The following GPR37 variants were observed in gnomAD, a reference collection of about 807,000 sequenced individuals.
GPR37 encodes the protein prosaposin receptor GPR37.
Under a neutral mutation model 43.6 loss-of-function variants are expected in GPR37, and 20 were observed. That is an observed-to-expected ratio of 0.46 (90% CI 0.32 to 0.67). The LOEUF is 0.67. Among genes scored for constraint, GPR37 ranks in the 30% least tolerant of loss-of-function variants. The pLI is 0.03. For synonymous variants in GPR37, 315 were observed against 322.6 expected (o/e 0.98, Z 0.25); for missense variants, 724 against 797.2 (o/e 0.91, Z 1.11).
At chr7:124,753,519 G>A (rs566346788) in intron 1 of GPR37, among the ~76,000 whole-genome samples, 2 of 151,896 alleles carry the variant, frequency 1.3e-5, no homozygotes, top group South Asian at 4.1e-4. Flanking sequence ...ATGCTGATAT[G>A]ATACACTATG....
At chr7:124,748,650 A>C (rs918834305) in intron 1 of GPR37, among the ~76,000 whole-genome samples, 1 of 152,180 alleles carries the variant, frequency 6.6e-6, no homozygotes, top group Non-Finnish European at 1.5e-5. Context: ...AATACAAGAA[A>C]ATATGCAGAA....
intron 1 of GPR37, among the ~76,000 whole-genome samples, chr7:124,751,916 C>A (rs114485023): frequency 6.6e-6 from 1 of 151,990 alleles, no homozygotes; most frequent in African/African-American, 2.4e-5. Context: ...AGAGACAAGA[C>A]TATTAATTTT....
chr7:124,762,768 G>A (rs781297618), intron 1 of GPR37, among the ~76,000 whole-genome samples: 5 of 152,194 alleles, frequency 3.3e-5, no homozygotes, highest in Admixed American at 6.5e-5. Flanking sequence ...GCTTTGGTCC[G>A]TCTAAGTAGG....
At chr7:124,749,938 T>C (rs1391214658) in intron 1 of GPR37, among the ~76,000 whole-genome samples, 1 of 152,150 alleles carries the variant, frequency 6.6e-6, no homozygotes, top group African/African-American at 2.4e-5. Flanking sequence ...TCCACTTTCA[T>C]CTTTTAATAA....
At chr7:124,751,675 G>A (rs1347944771) in intron 1 of GPR37, among the ~76,000 whole-genome samples, 1 of 152,150 alleles carries the variant, frequency 6.6e-6, no homozygotes, top group Non-Finnish European at 1.5e-5. Context: ...TTATAAAACT[G>A]CATCATGAAC....
intron 1 of GPR37, among the ~76,000 whole-genome samples, chr7:124,763,556 C>A (rs1384038263): frequency 7.0e-6 from 1 of 142,778 alleles, no homozygotes. Flanking sequence ...AACTAGTACA[C>A]AAATGCTAAT....
intron 1 of GPR37, among the ~76,000 whole-genome samples, chr7:124,749,739 G>T (rs1395238315): frequency 4.0e-5 from 6 of 151,894 alleles, no homozygotes; most frequent in South Asian, 2.1e-4. Flanking sequence ...GTATAATGAG[G>T]TGTTAACTAT....
In GPR37 at chr7:124,747,326, GA is replaced by G; in HGVS notation, c.1040del (p.Val347AlafsTer11). The G allele has an allele frequency of 6.2e-7, 1 of 1,609,352 alleles. No homozygotes were observed. The highest frequency in any genetic ancestry group is 8.5e-7 in the Non-Finnish European group (1 of 1,177,128). On this transcript the variant is annotated frameshift_variant, in exon 2 of 2. Transcript: ENST00000303921. LOFTEE classifies it high-confidence loss of function. ...ACAGAGCACATAAGGTGAAAGTGGT[GA>G]CTCCCAGAGAAGCGACCTGTGGGGG... ...VPYIEVASLG[V>X]TTFTLCALCI...
chr7:124,749,166 G>A (rs535564242), intron 1 of GPR37, among the ~76,000 whole-genome samples: 1 of 151,740 alleles, frequency 6.6e-6, no homozygotes, highest in Non-Finnish European at 1.5e-5. Flanking sequence ...AATATTCTGG[G>A]GAAATTTTAA....
chr7:124,765,667 T>C lies in GPR37; in HGVS notation c.-691A>G, dbSNP rs1793913117. On this transcript the variant is annotated 5_prime_UTR_variant, in exon 1 of 2. Transcript: ENST00000303921. The stretch of plus-strand genomic sequence containing the variant: ...AGTTGCTTCTCCTCCAGCTCAAAGT[T>C]GACGACGGGGCGAAGCAGGCTGCTG... 6.6e-6 allele frequency: 1 copy of C among 152,254 alleles called. No homozygotes were observed. Among genetic ancestry groups the C allele is most frequent in the South Asian group, 2.1e-4 (1 of 4,832 alleles). The allele number at this position is 152,254 out of a possible 1,614,324, so 9.4% of individuals were successfully genotyped here.
Position 124,746,296 on chromosome 7 carries a change from G to T in GPR37, c.*229C>A, listed in dbSNP as rs1474785779. On this transcript the variant is annotated 3_prime_UTR_variant, in exon 2 of 2. Coordinates refer to ENST00000303921, the MANE Select transcript of GPR37 (RefSeq NM_005302.5). ...CAAATAAAATATTAGCACCATACCA[G>T]ATAAAATAATCTAAAACTATTGGCC... is the stretch of plus-strand genomic sequence containing the variant. 2.6e-6 allele frequency: 1 copy of T among 383,434 alleles called. No homozygotes were observed. The highest frequency in any genetic ancestry group is 4.1e-5 in the East Asian group (1 of 24,680). 23.8% of individuals were successfully genotyped at this position (383,434 alleles called of 1,614,324 possible).
At chr7:124,763,672 C>T (rs187548176) in intron 1 of GPR37, among the ~76,000 whole-genome samples, 3 of 151,994 alleles carry the variant, frequency 2.0e-5, no homozygotes, top group Non-Finnish European at 4.4e-5. Flanking sequence ...ACGCATAACA[C>T]CATATTCAGG....
Position 124,765,011 on chromosome 7 carries a change from C to A in GPR37, c.-35G>T. 1 of 1,430,672 alleles carries A rather than the reference C, an allele frequency of 7.0e-7. No individual in the cohort carries two copies. The highest frequency in any genetic ancestry group is 1.5e-5 in the South Asian group (1 of 68,044). The allele number at this position is 1,430,672 out of a possible 1,614,324, so 88.6% of individuals were successfully genotyped here. A position where few individuals can be genotyped will look rare whatever the true frequency, so the allele number is the denominator to read the frequency against. On this transcript the variant is annotated 5_prime_UTR_variant, in exon 1 of 2. It adds an upstream start codon to the 5' untranslated region. Coordinates refer to ENST00000303921, the MANE Select transcript of GPR37 (RefSeq NM_005302.5). ...AGGGCACACCCGGCAGCCGCAGCTC[C>A]TGCTTAGTTAGGATCGACACCTGCT...
intron 1 of GPR37, among the ~76,000 whole-genome samples, chr7:124,753,646 AAACC>A (rs1562958946): frequency 6.6e-6 from 1 of 152,128 alleles, no homozygotes. Flanking sequence ...TTACAGAAAG[AAACC>A]AACAAAAAAC....
At chr7:124,750,373 GCTTC>G (rs1793718018) in intron 1 of GPR37, among the ~76,000 whole-genome samples, 1 of 152,022 alleles carries the variant, frequency 6.6e-6, no homozygotes, top group Non-Finnish European at 1.5e-5. Context: ...CAAATACAAG[GCTTC>G]CAAAGTTTAT....
chr7:124,758,980 G>A (rs1793822557), intron 1 of GPR37, among the ~76,000 whole-genome samples: 1 of 152,066 alleles, frequency 6.6e-6, no homozygotes, highest in African/African-American at 2.4e-5. Context: ...TGGGATCTCG[G>A]TCAGATGATA....
rs1342346031 is a variant in GPR37, at chr7:124,765,016, T to C, written c.-40A>G. The C allele has an allele frequency of 3.5e-6, 5 of 1,425,210 alleles. No individual in the cohort carries two copies. The highest frequency in any genetic ancestry group is 3.0e-5 in the Admixed American group (1 of 33,854). The allele number at this position is 1,425,210 out of a possible 1,614,324, so 88.3% of individuals were successfully genotyped here. On this transcript the variant is annotated 5_prime_UTR_variant, in exon 1 of 2. Transcript: ENST00000303921. ...ACACCCGGCAGCCGCAGCTCCTGCT[T>C]AGTTAGGATCGACACCTGCTGCCGA...
chr7:124,752,671 G>C (rs140995933), intron 1 of GPR37, among the ~76,000 whole-genome samples: 1 of 152,228 alleles, frequency 6.6e-6, no homozygotes, highest in Non-Finnish European at 1.5e-5. Context: ...TTTACAGGCT[G>C]ACCAAATTAT....
chr7:124,749,520 T>C (rs1562958320), intron 1 of GPR37, among the ~76,000 whole-genome samples: 1 of 152,100 alleles, frequency 6.6e-6, no homozygotes, highest in African/African-American at 2.4e-5. Flanking sequence ...CTCAAAACAT[T>C]AGTTGTTTAT....
Sources: gnomAD v4.1 joint callset for allele counts (sites outside exome capture counted in the v4.1 genomes callset) on GRCh38, gnomAD v4.1.1 for gene constraint, MANE v1.5 for transcripts, NCBI Gene and HGNC (gene_info 2026-07-23, HGNC 2026-07-21) for gene names.